SAMD12: variants seen among roughly 807,000 people sequenced by gnomAD.
The protein encoded by SAMD12 is sterile alpha motif domain-containing protein 12.
SAMD12 carries 9 observed loss-of-function variants against 15.0 expected under a neutral mutation model. The observed-to-expected ratio is 0.60, with a 90% CI of 0.36 to 1.05. The LOEUF is 1.05. SAMD12 is among the 50% of genes least tolerant of loss of function. SAMD12 has a pLI of 0.01. For synonymous variants in SAMD12, 86 were observed against 90.1 expected, an observed-to-expected ratio of 0.96 and a Z score of 0.25; for missense variants, 230 against 234.2, an observed-to-expected ratio of 0.98 and a Z score of 0.12.
intron 2 of SAMD12, among the ~76,000 whole-genome samples, chr8:118,497,739 G>GGGGGGA (rs1824665092): frequency 1.7e-5 from 1 of 58,242 alleles, no homozygotes; most frequent in African/African-American, 7.7e-5. Flanking sequence ...GGGGTGGGGG[G>GGGGGGA]AAAGAAAAAA....
intron 2 of SAMD12, among the ~76,000 whole-genome samples, chr8:118,506,823 T>C (rs1221595353): frequency 6.7e-6 from 1 of 149,582 alleles, no homozygotes; most frequent in Non-Finnish European, 1.5e-5. Context: ...TGGTGGAAAG[T>C]GTGACTGGCT....
chr8:118,338,413 T>C (rs1817186674), intron 4 of SAMD12, among the ~76,000 whole-genome samples: 1 of 152,238 alleles, frequency 6.6e-6, no homozygotes, highest in African/African-American at 2.4e-5. Context: ...TTCTTATTCT[T>C]TGGTCTAATT....
the SAMD12 span, among the ~76,000 whole-genome samples, chr8:118,166,728 C>T: frequency 6.6e-6 from 1 of 152,164 alleles, no homozygotes; most frequent in Non-Finnish European, 1.5e-5. Flanking sequence ...AAAGTGTGCA[C>T]ACTACGTTTC....
the SAMD12 span, among the ~76,000 whole-genome samples, chr8:118,142,525 A>C: frequency 6.6e-6 from 1 of 152,180 alleles, no homozygotes; most frequent in East Asian, 1.9e-4. Flanking sequence ...TACTGCAGAA[A>C]CTGTCTTCGG....
intron 4 of SAMD12, among the ~76,000 whole-genome samples, chr8:118,262,082 T>C (rs1813091458): frequency 6.6e-6 from 1 of 152,086 alleles, no homozygotes; most frequent in Non-Finnish European, 1.5e-5. Context: ...GAGGCAGGAT[T>C]TGAATCCCAG....
intron 4 of SAMD12, among the ~76,000 whole-genome samples, chr8:118,324,878 G>A (rs1264415950): frequency 6.6e-6 from 1 of 152,146 alleles, no homozygotes; most frequent in South Asian, 2.1e-4. Context: ...TCAGAGTAGT[G>A]ATCATGTATG....
At chr8:118,242,910 C>A (rs1411793162) in intron 4 of SAMD12, among the ~76,000 whole-genome samples, 6 of 152,164 alleles carry the variant, frequency 3.9e-5, no homozygotes, top group African/African-American at 1.4e-4. Context: ...ATGCCATGCA[C>A]TCTGCAGAGA....
intron 4 of SAMD12, among the ~76,000 whole-genome samples, chr8:118,365,778 C>T (rs1818734003): frequency 6.6e-6 from 1 of 152,078 alleles, no homozygotes; most frequent in Admixed American, 6.6e-5. Flanking sequence ...ACAGTCTGTT[C>T]CTTGCAACTG....
At chr8:118,234,933 T>G (rs2081169075) in intron 4 of SAMD12, among the ~76,000 whole-genome samples, 1 of 152,146 alleles carries the variant, frequency 6.6e-6, no homozygotes, top group Non-Finnish European at 1.5e-5. Flanking sequence ...TTTTATCCAC[T>G]TTTTCTTACA....
chr8:118,150,095 T>C, the SAMD12 span, among the ~76,000 whole-genome samples: 8 of 152,346 alleles, frequency 5.3e-5, no homozygotes, highest in Non-Finnish European at 8.8e-5. Flanking sequence ...TACTGCGATA[T>C]GGTGAGTAGA....
chr8:118,534,633 T>C (rs1354730070), intron 2 of SAMD12, among the ~76,000 whole-genome samples: 2 of 152,226 alleles, frequency 1.3e-5, no homozygotes, highest in South Asian at 2.1e-4. Flanking sequence ...TTGGAGGCTT[T>C]GTTCATTTCT....
intron 4 of SAMD12, among the ~76,000 whole-genome samples, chr8:118,344,520 G>A (rs1483872440): frequency 1.3e-5 from 2 of 152,204 alleles, no homozygotes; most frequent in Non-Finnish European, 2.9e-5. Flanking sequence ...AACTGCAGAA[G>A]TGGGATATGA....
chr8:118,154,886 T>C, the SAMD12 span, among the ~76,000 whole-genome samples: 6 of 152,140 alleles, frequency 3.9e-5, no homozygotes, highest in Admixed American at 3.9e-4. Context: ...TATAAAAAAG[T>C]AAGCAAACAG....
At chr8:118,191,987 G>T (rs894668061) in exon 5 of SAMD12, 1 of 150,820 alleles carries the variant, frequency 6.6e-6, no homozygotes, top group African/African-American at 2.4e-5. Context: ...TGGCATTTTT[G>T]CTATTTTAGA....
chr8:118,312,578 C>T (rs1288019299), intron 4 of SAMD12, among the ~76,000 whole-genome samples: 1 of 152,138 alleles, frequency 6.6e-6, no homozygotes, highest in East Asian at 1.9e-4. Context: ...CTTTTCTCCT[C>T]CTCATTTAAA....
At chr8:118,441,342 C>T (rs1822756661) in intron 2 of SAMD12, among the ~76,000 whole-genome samples, 1 of 151,718 alleles carries the variant, frequency 6.6e-6, no homozygotes, top group African/African-American at 2.4e-5. Context: ...TCCCTTGGGC[C>T]AATTTTTAAT....
At chr8:118,526,079 A>G (rs1825529560) in intron 2 of SAMD12, among the ~76,000 whole-genome samples, 1 of 152,198 alleles carries the variant, frequency 6.6e-6, no homozygotes, top group Non-Finnish European at 1.5e-5. Flanking sequence ...GCAAAATTTG[A>G]GTGTGTGAAG....
At chr8:118,544,644 G>A (rs759599721) in intron 2 of SAMD12, among the ~76,000 whole-genome samples, 22 of 152,140 alleles carry the variant, frequency 1.4e-4, no homozygotes, top group Non-Finnish European at 2.9e-4. Context: ...GGGAAAAACC[G>A]CCAAGATTCA....
intron 4 of SAMD12, among the ~76,000 whole-genome samples, chr8:118,354,149 T>A (rs1475304530): frequency 6.6e-6 from 1 of 152,226 alleles, no homozygotes; most frequent in African/African-American, 2.4e-5. Context: ...CTGACTGATA[T>A]TAAAAATTTC....
Sources: allele counts gnomAD v4.1 joint callset (sites outside exome capture counted in the v4.1 genomes callset), GRCh38; gene constraint gnomAD v4.1.1; transcripts MANE v1.5; gene names NCBI Gene and HGNC (gene_info 2026-07-23, HGNC 2026-07-21).